The following NFIB variants were observed in gnomAD, a reference collection of about 807,000 sequenced individuals.
The protein encoded by NFIB is nuclear factor I B.
In NFIB, 11 loss-of-function variants were observed where a neutral mutation model predicts 61.5. The ratio of observed to expected loss-of-function variants is 0.18; its 90% CI spans 0.11 to 0.30. The LOEUF (loss-of-function observed/expected upper bound fraction) is 0.30, where lower values mean the gene tolerates loss of function less well. Among genes scored for constraint, NFIB ranks in the 10% least tolerant of loss-of-function variants. NFIB has a pLI of 1.00. For synonymous variants in NFIB, 260 were observed against 216.5 expected (o/e 1.20, Z -1.76); for missense variants, 471 against 608.9 (o/e 0.77, Z 2.38).
At chr9:14,306,933 A>G (rs969819237) in intron 2 of NFIB, 56 bp downstream of exon 2, 3 of 1,588,224 alleles carry the variant, frequency 1.9e-6, no homozygotes, top group Admixed American at 3.4e-5. Flanking sequence ...TACTCTGTCT[A>G]CGGAGATTTG....
intron 2 of NFIB, among the ~76,000 whole-genome samples, chr9:14,189,997 A>C (rs2047772995): frequency 6.6e-6 from 1 of 152,154 alleles, no homozygotes; most frequent in Non-Finnish European, 1.5e-5. Context: ...ATGACCAAAA[A>C]GTCATATTCT....
chr9:14,339,444 G>A (rs560425190), intron 1 of NFIB, among the ~76,000 whole-genome samples: 17 of 152,062 alleles, frequency 1.1e-4, no homozygotes, highest in South Asian at 4.2e-4. Context: ...AATTTCCCCC[G>A]TTGTTTCCCC....
intron 2 of NFIB, among the ~76,000 whole-genome samples, chr9:14,288,464 A>T (rs1445617756): frequency 1.3e-5 from 2 of 152,138 alleles, no homozygotes; most frequent in Admixed American, 1.3e-4. Flanking sequence ...TGTCACCAAA[A>T]CAAACATTCC....
At chr9:14,143,484 T>A (rs991497171) in intron 6 of NFIB, among the ~76,000 whole-genome samples, 1 of 152,166 alleles carries the variant, frequency 6.6e-6, no homozygotes, top group African/African-American at 2.4e-5. Context: ...ATTTAATAAA[T>A]CAATTTTGCT....
intron 10 of NFIB, among the ~76,000 whole-genome samples, chr9:14,088,590 T>C (rs533040102): frequency 1.3e-5 from 2 of 152,234 alleles, no homozygotes; most frequent in South Asian, 4.1e-4. Flanking sequence ...AATTATTGAA[T>C]TCTAACCGAT....
chr9:14,237,079 G>A (rs574951702), intron 2 of NFIB, among the ~76,000 whole-genome samples: 1 of 152,140 alleles, frequency 6.6e-6, no homozygotes, highest in Non-Finnish European at 1.5e-5. Context: ...TTGAACAGTA[G>A]GGCCACTAAC....
chr9:14,297,892 T>C (rs1435686870), intron 2 of NFIB, among the ~76,000 whole-genome samples: 1 of 152,190 alleles, frequency 6.6e-6, no homozygotes, highest in Non-Finnish European at 1.5e-5. Flanking sequence ...TCCAGTATTT[T>C]AAAAATAAAA....
At chr9:14,255,000 T>C (rs1348793249) in intron 2 of NFIB, among the ~76,000 whole-genome samples, 1 of 152,118 alleles carries the variant, frequency 6.6e-6, no homozygotes, top group East Asian at 1.9e-4. Flanking sequence ...GTCAGGAAGA[T>C]CACTTGAGGA....
chr9:14,233,421 C>CTTTTTT (rs766595252), intron 2 of NFIB, among the ~76,000 whole-genome samples: 3 of 109,128 alleles, frequency 2.7e-5, no homozygotes, highest in African/African-American at 7.0e-5. Context: ...TGCTATTATT[C>CTTTTTT]TTTTTTTTTT....
rs11999028 is a variant in NFIB, at chr9:14,395,324, T to A, written c.108+3200A>T. Among the ~76,000 whole-genome samples, 17 of 137,348 alleles carry A rather than the reference T, an allele frequency of 1.2e-4. No individual in the cohort carries two copies. In the East Asian group the frequency reaches 1.7e-3, roughly 13 times the overall value. The allele number at this position is 137,348 out of a possible 152,430, so 90.1% of individuals were successfully genotyped here. Reference sequence around the variant, plus strand: ...GGGACAGCCAAAAAAAAAAAAAACCTAAAAAAAAAAAATCAAGAGATGCAA... The same window carrying A: ...GGGACAGCCAAAAAAAAAAAAAACCAAAAAAAAAAAAATCAAGAGATGCAA... On this transcript the variant is annotated intron_variant, in intron 1 of 8. Coordinates refer to the NFIB transcript ENST00000380934.
intron 1 of NFIB, among the ~76,000 whole-genome samples, chr9:14,371,429 C>G (rs912675311): frequency 4.6e-5 from 7 of 152,206 alleles, no homozygotes; most frequent in African/African-American, 1.7e-4. Context: ...TCAGATCTCA[C>G]TGGCTGGGGA....
chr9:14,487,071 T>C, the NFIB span, among the ~76,000 whole-genome samples: 1 of 152,240 alleles, frequency 6.6e-6, no homozygotes, highest in East Asian at 1.9e-4. Flanking sequence ...CATGTCTGGA[T>C]ACCAAGCAAG....
At chr9:14,265,075 C>T (rs2057085301) in intron 2 of NFIB, among the ~76,000 whole-genome samples, 1 of 152,176 alleles carries the variant, frequency 6.6e-6, no homozygotes, top group East Asian at 1.9e-4. Flanking sequence ...CAAAGACCTA[C>T]TGGACCCGAA....
At chr9:14,468,582 A>C in the NFIB span, among the ~76,000 whole-genome samples, 3 of 152,116 alleles carry the variant, frequency 2.0e-5, no homozygotes, top group African/African-American at 7.2e-5. Flanking sequence ...AAGCAGCTCT[A>C]ATTTGCTCCT....
At chr9:14,230,228 C>T (rs1220183461) in intron 2 of NFIB, among the ~76,000 whole-genome samples, 2 of 152,198 alleles carry the variant, frequency 1.3e-5, no homozygotes, top group Non-Finnish European at 2.9e-5. Context: ...TTTATTAATT[C>T]ATTCAGGTTC....
intron 3 of NFIB, among the ~76,000 whole-genome samples, chr9:14,160,937 C>CTGGCAT (rs2044125735): frequency 6.6e-6 from 1 of 151,288 alleles, no homozygotes; most frequent in South Asian, 2.1e-4. Flanking sequence ...TGTTAGTTTT[C>CTGGCAT]TGGCATTGTT....
intron 9 of NFIB, among the ~76,000 whole-genome samples, chr9:14,113,655 T>C (rs989721530): frequency 2.0e-5 from 3 of 152,166 alleles, no homozygotes; most frequent in Admixed American, 1.3e-4. Flanking sequence ...CTCGGTATTT[T>C]ACCTGTGAAA....
intron 2 of NFIB, among the ~76,000 whole-genome samples, chr9:14,198,772 TCA>T (rs2048715256): frequency 1.3e-5 from 2 of 152,194 alleles, no homozygotes; most frequent in South Asian, 4.1e-4. Flanking sequence ...TGATGCTTGC[TCA>T]CAGACACCAA....
At chr9:14,243,517 T>C (rs2054562016) in intron 2 of NFIB, among the ~76,000 whole-genome samples, 1 of 152,072 alleles carries the variant, frequency 6.6e-6, no homozygotes, top group Admixed American at 6.6e-5. Flanking sequence ...TGTTTTATTG[T>C]GTTTCATGAG....
Sources: allele counts gnomAD v4.1 joint callset (sites outside exome capture counted in the v4.1 genomes callset), GRCh38; gene constraint gnomAD v4.1.1; transcripts MANE v1.5; gene names NCBI Gene and HGNC (gene_info 2026-07-23, HGNC 2026-07-21).